Variants in SHANK2 observed in about 807,000 individuals in gnomAD.
SHANK2 encodes the protein SH3 and multiple ankyrin repeat domains 2, also known as SH3 and multiple ankyrin repeat domains protein 2.
Under a neutral mutation model 133.7 loss-of-function variants are expected in SHANK2, and 43 were observed. The observed-to-expected ratio is 0.32, with a 90% CI of 0.25 to 0.41. The LOEUF (loss-of-function observed/expected upper bound fraction) is 0.41. Among genes scored for constraint, SHANK2 ranks in the 10% least tolerant of loss-of-function variants. The pLI is 1.00. For synonymous variants in SHANK2, 1,017 were observed against 952.8 expected (o/e 1.07, Z -1.24); for missense variants, 1,994 against 2,235.8 (o/e 0.89, Z 2.18).
chr11:70,752,485 G>A (rs11237375), intron 14 of SHANK2, among the ~76,000 whole-genome samples: 14,309 of 152,166 alleles, frequency 0.094, 861 homozygotes, highest in South Asian at 0.28. Flanking sequence ...TTGGGAGGCC[G>A]AGGCAGACGG....
intron 14 of SHANK2, among the ~76,000 whole-genome samples, chr11:70,757,153 C>G (rs1021916106): frequency 7.2e-5 from 11 of 152,206 alleles, no homozygotes; most frequent in Non-Finnish European, 8.8e-5. Flanking sequence ...TGAGCCCCTG[C>G]CCTGAGCAGG....
chr11:71,138,542 C>A (rs1408782669), intron 3 of SHANK2, among the ~76,000 whole-genome samples: 1 of 151,978 alleles, frequency 6.6e-6, no homozygotes, highest in Non-Finnish European at 1.5e-5. Flanking sequence ...TCCGGCCGGG[C>A]GCGGTGGTTC....
intron 7 of SHANK2, among the ~76,000 whole-genome samples, chr11:71,092,867 C>G (rs138604417): frequency 6.6e-6 from 1 of 152,226 alleles, no homozygotes; most frequent in East Asian, 1.9e-4. Context: ...ATGGCAAAAC[C>G]CTGTCTCTAT....
intron 1 of SHANK2, among the ~76,000 whole-genome samples, chr11:71,246,908 ATATT>A (rs1414640944): frequency 6.6e-6 from 1 of 152,178 alleles, no homozygotes; most frequent in African/African-American, 2.4e-5. Flanking sequence ...AATCTGTAAT[ATATT>A]TATAGTTTTT....
intron 10 of SHANK2, among the ~76,000 whole-genome samples, chr11:70,928,362 T>A (rs1388375262): frequency 6.6e-6 from 1 of 152,132 alleles, no homozygotes; most frequent in Admixed American, 6.5e-5. Flanking sequence ...CAAAGCCTTA[T>A]TCAGGGCAGA....
At chr11:70,706,584 C>G (rs1670424612) in intron 14 of SHANK2, among the ~76,000 whole-genome samples, 1 of 152,052 alleles carries the variant, frequency 6.6e-6, no homozygotes, top group Non-Finnish European at 1.5e-5. Context: ...GCTCCTTAGG[C>G]TCTTGAACTT....
chr11:70,739,398 G>A lies in SHANK2; in HGVS notation c.1778-40635C>T, dbSNP rs1555034264. 1.3e-5 allele frequency among the ~76,000 whole-genome samples: 2 copies of A among 152,204 alleles called. No homozygotes were observed. Among genetic ancestry groups the A allele is most frequent in the Non-Finnish European group, 2.9e-5 (2 of 68,030 alleles). On this transcript the variant is annotated intron_variant, in intron 14 of 25. Transcript: ENST00000601538. This position sits in a 1 kb window ranked among gnomAD's most constrained non-coding sequence, Gnocchi z 4.3. ...ACAATCGTGTGGAGCAGCTGCTGCG[G>A]TGAGGCCAGGCACAGACTCCAGCCT...
At chr11:71,185,818 C>G (rs192789647) in intron 2 of SHANK2, among the ~76,000 whole-genome samples, 1 of 144,440 alleles carries the variant, frequency 6.9e-6, no homozygotes, top group African/African-American at 2.6e-5. Context: ...AGGGGACAAT[C>G]AAGGAAGAAG....
At chr11:70,785,331 GGCCC>G (rs1214701528) in intron 14 of SHANK2, among the ~76,000 whole-genome samples, 1 of 152,170 alleles carries the variant, frequency 6.6e-6, no homozygotes, top group Non-Finnish European at 1.5e-5. Flanking sequence ...GAGGGGGAGG[GGCCC>G]TCACTCATCA....
intron 1 of SHANK2, among the ~76,000 whole-genome samples, chr11:71,240,188 G>A (rs1165736675): frequency 1.3e-5 from 2 of 152,136 alleles, no homozygotes; most frequent in South Asian, 2.1e-4. Flanking sequence ...CATAAAACCT[G>A]CTGAAAACCC....
intron 17 of SHANK2, 112 bp from the exon 18 acceptor site, chr11:70,503,043 A>G: frequency 8.5e-7 from 1 of 1,181,158 alleles, no homozygotes; most frequent in African/African-American, 1.5e-5. Context: ...AAATGCAGGG[A>G]AGCAAAGGGA....
chr11:70,664,777 C>T (rs1944648666), intron 15 of SHANK2, among the ~76,000 whole-genome samples: 1 of 152,220 alleles, frequency 6.6e-6, no homozygotes, highest in African/African-American at 2.4e-5. Context: ...TAGAGAAGGG[C>T]AGGGGCATTC....
intron 25 of SHANK2, among the ~76,000 whole-genome samples, chr11:70,484,183 A>G (rs2058771725): frequency 6.6e-6 from 1 of 152,190 alleles, no homozygotes; most frequent in African/African-American, 2.4e-5. Flanking sequence ...GGGCTCCCCA[A>G]AGCCACAGAC....
At chr11:70,663,350 G>A (rs993274013) in intron 15 of SHANK2, among the ~76,000 whole-genome samples, 4 of 152,158 alleles carry the variant, frequency 2.6e-5, no homozygotes, top group South Asian at 2.1e-4. Context: ...GAGGAGGGAC[G>A]GGGCAAACGT....
At chr11:71,205,469 C>T (rs1265061745) in intron 2 of SHANK2, among the ~76,000 whole-genome samples, 2 of 152,218 alleles carry the variant, frequency 1.3e-5, no homozygotes, top group Non-Finnish European at 2.9e-5. Flanking sequence ...TCTTGCTGGG[C>T]TCCAGTAGAG....
chr11:70,848,910 G>A (rs1555064547), intron 11 of SHANK2, among the ~76,000 whole-genome samples: 1 of 152,176 alleles, frequency 6.6e-6, no homozygotes, highest in East Asian at 1.9e-4. Context: ...ATGATGCTGG[G>A]AGACAAATTG....
intron 12 of SHANK2, among the ~76,000 whole-genome samples, chr11:70,816,309 G>A (rs1317011514): frequency 6.6e-6 from 1 of 152,236 alleles, no homozygotes; most frequent in African/African-American, 2.4e-5. Flanking sequence ...GCTGGCGGGT[G>A]GGTAGAGCCA....
At chr11:70,592,618 G>A (rs2060340001) in intron 17 of SHANK2, among the ~76,000 whole-genome samples, 1 of 152,040 alleles carries the variant, frequency 6.6e-6, no homozygotes, top group African/African-American at 2.4e-5. Flanking sequence ...CCCCGTTGAG[G>A]GCAAATGTGT....
intron 17 of SHANK2, among the ~76,000 whole-genome samples, chr11:70,578,471 C>G (rs1270659602): frequency 1.3e-5 from 2 of 152,246 alleles, no homozygotes; most frequent in African/African-American, 2.4e-5. Flanking sequence ...CCTTCCCATC[C>G]TGGACCACAG....
Sources: allele counts gnomAD v4.1 joint callset (sites outside exome capture counted in the v4.1 genomes callset), GRCh38; gene constraint gnomAD v4.1.1; non-coding constraint Gnocchi (gnomAD v3.1); transcripts MANE v1.5; gene names NCBI Gene and HGNC (gene_info 2026-07-23, HGNC 2026-07-21).